Variants in CALN1 observed in about 807,000 individuals in gnomAD.
CALN1 encodes the protein calneuron 1.
CALN1 carries 17 observed loss-of-function variants against 30.6 expected under a neutral mutation model. That is an observed-to-expected ratio of 0.56 (90% CI 0.38 to 0.83). CALN1 has a LOEUF of 0.83. Ranked by LOEUF, CALN1 falls within the 40% of genes least tolerant of loss-of-function variation. CALN1 has a pLI of 0.00. For synonymous variants in CALN1, 156 were observed against 131.4 expected (o/e 1.19, Z -1.28); for missense variants, 291 against 354.9 (o/e 0.82, Z 1.45).
At chr7:72,160,911 A>C (rs891720193) in intron 3 of CALN1, among the ~76,000 whole-genome samples, 3 of 152,316 alleles carry the variant, frequency 2.0e-5, no homozygotes, top group Admixed American at 1.3e-4. Flanking sequence ...ATAGAAAGCT[A>C]GGAGAAGTCA....
chr7:72,382,460 A>AT (rs922431650), intron 2 of CALN1, among the ~76,000 whole-genome samples: 1 of 152,078 alleles, frequency 6.6e-6, no homozygotes, highest in Non-Finnish European at 1.5e-5. Flanking sequence ...TTAGAATTGC[A>AT]TTTTTTTATT....
At chr7:72,484,543 C>G in the CALN1 span, among the ~76,000 whole-genome samples, 1 of 152,198 alleles carries the variant, frequency 6.6e-6, no homozygotes, top group African/African-American at 2.4e-5. Context: ...CGCCCGCCCC[C>G]GCGTAGTTTC....
intron 2 of CALN1, among the ~76,000 whole-genome samples, chr7:72,313,686 C>T (rs1300716204): frequency 2.0e-5 from 3 of 147,378 alleles, no homozygotes; most frequent in East Asian, 2.1e-4. Flanking sequence ...CATGAGGCAC[C>T]GTGCCCAGCC....
At chr7:72,127,987 G>A (rs1298644542) in intron 3 of CALN1, among the ~76,000 whole-genome samples, 3 of 151,984 alleles carry the variant, frequency 2.0e-5, no homozygotes, top group Non-Finnish European at 4.4e-5. Context: ...AAAATGGTGG[G>A]GGCAGGAGTG....
At chr7:72,158,139 G>C (rs1046665416) in intron 3 of CALN1, among the ~76,000 whole-genome samples, 1 of 152,320 alleles carries the variant, frequency 6.6e-6, no homozygotes, top group Non-Finnish European at 1.5e-5. Flanking sequence ...TTTGATGTGA[G>C]AGGCTCTGCT....
chr7:72,301,698 C>T (rs1298380405), intron 2 of CALN1, among the ~76,000 whole-genome samples: 2 of 151,292 alleles, frequency 1.3e-5, no homozygotes, highest in Admixed American at 6.6e-5. Flanking sequence ...CATCTCCTGG[C>T]ATTTACATGG....
chr7:71,826,704 C>T (rs938658302), intron 5 of CALN1, among the ~76,000 whole-genome samples: 3 of 152,162 alleles, frequency 2.0e-5, no homozygotes, highest in East Asian at 1.9e-4. Context: ...GTTGTTCCCA[C>T]CTCTGATCTC....
At chr7:72,339,533 T>A (rs907208694) in intron 2 of CALN1, among the ~76,000 whole-genome samples, 1 of 152,162 alleles carries the variant, frequency 6.6e-6, no homozygotes, top group Non-Finnish European at 1.5e-5. Context: ...AAGAAGGTAA[T>A]TTTAGCTTAA....
At chr7:71,954,644 C>A (rs1431134400) in intron 5 of CALN1, among the ~76,000 whole-genome samples, 2 of 152,096 alleles carry the variant, frequency 1.3e-5, no homozygotes, top group Non-Finnish European at 2.9e-5. Context: ...AGAGTAAGAC[C>A]CTGTCTCAAA....
At chr7:72,272,382 C>G (rs1797056133) in intron 3 of CALN1, among the ~76,000 whole-genome samples, 1 of 151,958 alleles carries the variant, frequency 6.6e-6, no homozygotes, top group African/African-American at 2.4e-5. Context: ...GCCAACATGG[C>G]AAAAACCCAT....
intron 3 of CALN1, among the ~76,000 whole-genome samples, chr7:72,179,735 TCC>T (rs371429163): frequency 6.6e-6 from 1 of 152,028 alleles, no homozygotes. Flanking sequence ...TTCATCTTTT[TCC>T]CCCTTTCTTG....
intron 4 of CALN1, among the ~76,000 whole-genome samples, chr7:72,066,237 A>G (rs761407488): frequency 2.6e-5 from 4 of 152,244 alleles, no homozygotes; most frequent in Non-Finnish European, 1.5e-5. Context: ...TCCATCAGGC[A>G]CTGGCTTCAG....
At chr7:71,810,272 T>C (rs1023903823) in intron 6 of CALN1, 64 bp downstream of exon 6, 25 of 1,537,690 alleles carry the variant, frequency 1.6e-5, no homozygotes, top group Non-Finnish European at 1.3e-5. Flanking sequence ...GCATTTTTCA[T>C]ATAGAGAGTG....
chr7:72,378,280 T>C (rs1804683839), intron 2 of CALN1, among the ~76,000 whole-genome samples: 1 of 152,196 alleles, frequency 6.6e-6, no homozygotes, highest in Non-Finnish European at 1.5e-5. Flanking sequence ...ATGTGGGCTA[T>C]CATTTCAAGG....
chr7:72,444,783 C>T (rs1202263678), intron 1 of CALN1, among the ~76,000 whole-genome samples: 2 of 152,134 alleles, frequency 1.3e-5, no homozygotes, highest in African/African-American at 4.8e-5. Context: ...CCTGACAATG[C>T]TACCATGTTA....
the CALN1 span, among the ~76,000 whole-genome samples, chr7:72,474,731 C>T: frequency 4.0e-5 from 6 of 151,830 alleles, no homozygotes; most frequent in Middle Eastern, 3.4e-3. Flanking sequence ...CTCCCTAAAA[C>T]GATAAAACCC....
chr7:71,857,459 ATTCT>A (rs2116635261), intron 5 of CALN1, among the ~76,000 whole-genome samples: 1 of 152,302 alleles, frequency 6.6e-6, no homozygotes, highest in Admixed American at 6.5e-5. Context: ...GCTCTCACCC[ATTCT>A]GGCTGAGAAC....
chr7:72,175,322 C>T (rs894938289), intron 3 of CALN1, among the ~76,000 whole-genome samples: 3 of 152,108 alleles, frequency 2.0e-5, no homozygotes, highest in Non-Finnish European at 4.4e-5. Context: ...ATCTGCCCGC[C>T]TCGGCCTCCC....
chr7:72,127,901 TAG>T (rs1026644655), intron 3 of CALN1, among the ~76,000 whole-genome samples: 3 of 152,254 alleles, frequency 2.0e-5, no homozygotes, highest in African/African-American at 7.2e-5. Context: ...TGATTTAAGC[TAG>T]AGAGAGAGAC....
Sources: allele counts gnomAD v4.1 joint callset (sites outside exome capture counted in the v4.1 genomes callset), GRCh38; gene constraint gnomAD v4.1.1; transcripts MANE v1.5; gene names NCBI Gene and HGNC (gene_info 2026-07-23, HGNC 2026-07-21).